PGC: variants seen among roughly 807,000 people sequenced by gnomAD.
The protein encoded by PGC is gastricsin.
PGC carries 31 observed loss-of-function variants against 45.9 expected under a neutral mutation model. The ratio of observed to expected loss-of-function variants is 0.67; its 90% CI spans 0.51 to 0.91. The LOEUF (loss-of-function observed/expected upper bound fraction) is 0.91. Ranked by LOEUF, PGC falls within the 40% of genes least tolerant of loss-of-function variation. PGC has a pLI of 0.00. For synonymous variants in PGC, 192 were observed against 201.8 expected (o/e 0.95, Z 0.41); for missense variants, 477 against 493.2 (o/e 0.97, Z 0.31).
Position 41,747,394 on chromosome 6 carries a change from G to T in PGC, c.-60C>A. 1 of 1,430,896 alleles carries T rather than the reference G, an allele frequency of 7.0e-7. No homozygotes were observed. Among genetic ancestry groups the T allele is most frequent in the Non-Finnish European group, 9.9e-7 (1 of 1,014,340 alleles). 88.6% of individuals were successfully genotyped at this position (1,430,896 alleles called of 1,614,324 possible). Reference sequence around the variant, plus strand: ...AGCTCTGAGTTCTGCAGTCGCAGTGGAGTGAAGACCTGGGCACTCTTTCCT... The same window carrying T: ...AGCTCTGAGTTCTGCAGTCGCAGTGTAGTGAAGACCTGGGCACTCTTTCCT... On this transcript the variant is annotated 5_prime_UTR_variant, in exon 1 of 9. Coordinates refer to ENST00000373025, the MANE Select transcript of PGC (RefSeq NM_002630.4).
At chr6:41,738,384 T>C (rs1771756561) in intron 7 of PGC, among the ~76,000 whole-genome samples, 2 of 150,988 alleles carry the variant, frequency 1.3e-5, no homozygotes, top group African/African-American at 4.9e-5. Flanking sequence ...TCCCAATACT[T>C]TGGGAGGCCG....
Position 41,738,204 on chromosome 6 carries a change from ATATATATATG to A in PGC, c.916-386_916-377del. Reference sequence around the variant, plus strand: ...CATATATATATGCATATATATATGCATATATATATGCATATATATATGCATATATATATGT... The same window carrying A: ...CATATATATATGCATATATATATGCACATATATATATGCATATATATATGT... On this transcript the variant is annotated intron_variant, in intron 7 of 8. Transcript: ENST00000373025. Among the ~76,000 whole-genome samples, 4 of 11,456 alleles carry A rather than the reference ATATATATATG, an allele frequency of 3.5e-4. 1 individual carries two copies. The highest frequency in any genetic ancestry group is 2.8e-4 in the African/African-American group (2 of 7,140). 7.5% of individuals were successfully genotyped at this position (11,456 alleles called of 152,430 possible).
intron 5 of PGC, chr6:41,741,353 T>C: frequency 2.2e-6 from 2 of 914,836 alleles, no homozygotes. Context: ...CTCTAGAAAG[T>C]GGCTGCCTAA....
chr6:41,738,699 G>C (rs927749284), intron 7 of PGC, among the ~76,000 whole-genome samples: 2 of 152,024 alleles, frequency 1.3e-5, no homozygotes, highest in Non-Finnish European at 2.9e-5. Context: ...GCTCACATCT[G>C]TAATCCCAGC....
rs1051158192 is a variant in PGC at position 41,740,344 on chromosome 6, C to T, written c.767+147G>A. ...GCTGAGCTGGGCTTTGTCACCCCTG[C>T]AGAGGACAGTTGTGGCTTTGTAGGA... On this transcript the variant is annotated intron_variant, in intron 6 of 8. Transcript: ENST00000373025. 6.6e-6 allele frequency: 7 copies of T among 1,055,994 alleles called. No individual in the cohort carries two copies. The Admixed American group carries it at 8.8e-5, about 13-fold the overall frequency. 65.4% of individuals were successfully genotyped at this position (1,055,994 alleles called of 1,614,324 possible).
Position 41,740,586 on chromosome 6 carries a change from C to A in PGC, c.672G>T (p.Ala224=), listed in dbSNP as rs761833988. ...TGCTATCCACACCCCCAAAGACAAC[C>A]GCTCCCCCGCTGGAGCCCTGCTGGC... is the stretch of plus-strand genomic sequence containing the variant. The part of the protein sequence containing the change: ...LSNQQGSSGG[A]VVFGGVDSSL... The change falls in exon 6 of 9, where the codon GCG becomes GCT. Residue 224 remains alanine (A), a synonymous_variant. Coordinates refer to ENST00000373025, the MANE Select transcript of PGC (RefSeq NM_002630.4). 1.2e-6 allele frequency: 2 copies of A among 1,601,824 alleles called. No individual in the cohort carries two copies. Among genetic ancestry groups the A allele is most frequent in the Non-Finnish European group, 1.7e-6 (2 of 1,174,538 alleles).
At chr6:41,738,842 C>T (rs1164010867) in intron 7 of PGC, among the ~76,000 whole-genome samples, 2 of 151,892 alleles carry the variant, frequency 1.3e-5, no homozygotes, top group Non-Finnish European at 2.9e-5. Flanking sequence ...ACCTGTAGTC[C>T]CAGCTACTCA....
rs112178753 is a variant in PGC, at chr6:41,742,245, G to A, written c.647+45C>T. The A allele has an allele frequency of 1.6e-3, 2,426 of 1,557,486 alleles. 34 individuals are homozygous for A. The African/African-American group carries it at 0.026, about 16-fold the overall frequency. ...TGAGCCTCAGTCGTCCAGGGCGGCC[G>A]GGGGAGCATCCCGGGAGGTGGGGAC... On this transcript the variant is annotated intron_variant, in intron 5 of 8. Transcript: ENST00000373025.
chr6:41,736,835 G>T lies in PGC; in HGVS notation c.*17C>A, dbSNP rs182594075. 6.8e-6 allele frequency: 11 copies of T among 1,613,752 alleles called. No homozygotes were observed. The highest frequency in any genetic ancestry group is 7.6e-6 in the Non-Finnish European group (9 of 1,179,804). On this transcript the variant is annotated 3_prime_UTR_variant, in exon 9 of 9. Coordinates refer to ENST00000373025, the MANE Select transcript of PGC (RefSeq NM_002630.4). ...GGTCAAGAGGAAGAGGGGAGCCCACGTGTCGAGGCAGCAAGTCTAGGCGGC... is the reference window on the plus strand; with the variant it reads ...GGTCAAGAGGAAGAGGGGAGCCCACTTGTCGAGGCAGCAAGTCTAGGCGGC...
chr6:41,741,079 A>G (rs1055477111), intron 5 of PGC: 13 of 1,536,844 alleles, frequency 8.5e-6, no homozygotes, highest in Non-Finnish European at 1.1e-5. Context: ...TCTGGTAGAC[A>G]TGTCACCGGG....
At chr6:41,745,010 TGTGTGC>T (rs201819570) in intron 1 of PGC, among the ~76,000 whole-genome samples, 9 of 149,570 alleles carry the variant, frequency 6.0e-5, no homozygotes, top group Non-Finnish European at 9.0e-5. Context: ...TGTGTGTGTG[TGTGTGC>T]GCGCGCGCGT....
rs777318072 is a variant in PGC, at chr6:41,740,533, G to A, written c.725C>T (p.Ala242Val). The A allele has an allele frequency of 3.4e-5, 54 of 1,610,290 alleles. No individual in the cohort carries two copies. Among genetic ancestry groups the A allele is most frequent in the South Asian group, 9.9e-5 (9 of 90,568 alleles). ...CCAGTAGAGTTCCTGGGTGACAGGC[G>A]CCCAGTAGATCTGCCCCGTGTACAG... ...SSLYTGQIYWAPVTQELYWQI... is the reference protein window; with the variant it reads ...SSLYTGQIYWVPVTQELYWQI... The change falls in exon 6 of 9, where the codon GCG becomes GTG. Residue 242 changes from alanine (A) to valine (V), a missense_variant. Coordinates refer to ENST00000373025, the MANE Select transcript of PGC (RefSeq NM_002630.4).
Position 41,736,724 on chromosome 6 carries a change from T to C in PGC, c.*128A>G, listed in dbSNP as rs1771686920. On this transcript the variant is annotated 3_prime_UTR_variant, in exon 9 of 9. Transcript: ENST00000373025. ...GGATGACCAACATAAAGAAGAACTA[T>C]TTATTATTAGAGAAAGTCCAGAGTC... 1 of 999,916 alleles carries C rather than the reference T, an allele frequency of 1.0e-6. No homozygotes were observed. The highest frequency in any genetic ancestry group is 1.6e-5 in the African/African-American group (1 of 62,396). The allele number at this position is 999,916 out of a possible 1,614,324, so 61.9% of individuals were successfully genotyped here.
At chr6:41,746,381 C>T (rs115581115) in intron 1 of PGC, among the ~76,000 whole-genome samples, 1 of 152,210 alleles carries the variant, frequency 6.6e-6, no homozygotes, top group Non-Finnish European at 1.5e-5. Flanking sequence ...ACCAGGACCA[C>T]GGGAAGTTGG....
In PGC at chr6:41,744,357, G is replaced by T; in HGVS notation, c.328+40C>A. On this transcript the variant is annotated intron_variant, in intron 3 of 8. Transcript: ENST00000373025. The surrounding 1 kb of genome is among the most constrained non-coding windows in gnomAD (Gnocchi z 4.4). ...CCTCCCCAGAGGGTATCAGTGCCTTGCCCTGCCAACCACCCCTCTCTGCCC... is the reference window on the plus strand; with the variant it reads ...CCTCCCCAGAGGGTATCAGTGCCTTTCCCTGCCAACCACCCCTCTCTGCCC... 6.9e-7 allele frequency: 1 copy of T among 1,444,370 alleles called. No individual in the cohort carries two copies. The highest frequency in any genetic ancestry group is 9.6e-7 in the Non-Finnish European group (1 of 1,037,568). The allele number at this position is 1,444,370 out of a possible 1,614,324, so 89.5% of individuals were successfully genotyped here.
chr6:41,743,207 C>A, intron 4 of PGC, 64 bp downstream of exon 4: 1 of 971,662 alleles, frequency 1.0e-6, no homozygotes, highest in East Asian at 2.4e-5. Flanking sequence ...CAGGAGAGTC[C>A]ATCTAACTGT....
chr6:41,744,371 CCCTCT>C lies in PGC; in HGVS notation c.328+21_328+25del, dbSNP rs776253951. On this transcript the variant is annotated intron_variant, in intron 3 of 8. Transcript: ENST00000373025. The surrounding 1 kb of genome is among the most constrained non-coding windows in gnomAD (Gnocchi z 4.4). ...ATCAGTGCCTTGCCCTGCCAACCACCCCTCTCTGCCCAGCCCAGCACTCACTGCAG... is the reference window on the plus strand; with the variant it reads ...ATCAGTGCCTTGCCCTGCCAACCACCCTGCCCAGCCCAGCACTCACTGCAG... 1.3e-5 allele frequency: 20 copies of C among 1,527,010 alleles called. No individual in the cohort carries two copies. Among genetic ancestry groups the C allele is most frequent in the Non-Finnish European group, 1.8e-5 (20 of 1,109,782 alleles). 94.6% of individuals were successfully genotyped at this position (1,527,010 alleles called of 1,614,324 possible). A position where few individuals can be genotyped will look rare whatever the true frequency, so the allele number is the denominator to read the frequency against.
chr6:41,743,479 G>A (rs973768739), intron 3 of PGC, 90 bp from the exon 4 acceptor site: 11 of 816,598 alleles, frequency 1.3e-5, no homozygotes, highest in Non-Finnish European at 2.2e-5. Context: ...TCAGCCTCTC[G>A]CTCAGGCTGC....
At position 41,744,658 on chromosome 6, in the gene PGC, AT is replaced by A; in HGVS notation, c.209del (p.Asp70ValfsTer79). The part of the protein sequence containing the change: ...SVTYEPMAYM[D>X]AAYFGEISIG... ...ACCGCCAGAAAGGGTCAGGACTCAC[AT>A]CCATGTAGGCCATGGGCTCGTAGGT... On this transcript the variant is annotated frameshift_variant and splice_region_variant, in exon 2 of 9. Coordinates refer to ENST00000373025, the MANE Select transcript of PGC (RefSeq NM_002630.4). LOFTEE classifies it high-confidence loss of function. This position sits in a 1 kb window ranked among gnomAD's most constrained non-coding sequence, Gnocchi z 4.4. The A allele has an allele frequency of 1.2e-6, 2 of 1,614,096 alleles. No homozygotes were observed. The highest frequency in any genetic ancestry group is 1.7e-6 in the Non-Finnish European group (2 of 1,179,970).
Sources: allele counts gnomAD v4.1 joint callset (sites outside exome capture counted in the v4.1 genomes callset), GRCh38; gene constraint gnomAD v4.1.1; non-coding constraint Gnocchi (gnomAD v3.1); transcripts MANE v1.5; gene names NCBI Gene and HGNC (gene_info 2026-07-23, HGNC 2026-07-21).